Variants in GABRG3 observed in about 807,000 individuals in gnomAD.
GABRG3 encodes the protein gamma-aminobutyric acid type A receptor subunit gamma3, also known as gamma-aminobutyric acid receptor subunit gamma-3.
Under a neutral mutation model 48.8 loss-of-function variants are expected in GABRG3, and 25 were observed. The observed-to-expected ratio is 0.51, with a 90% CI of 0.37 to 0.72. The LOEUF is 0.72. Ranked by LOEUF, GABRG3 falls within the 30% of genes least tolerant of loss-of-function variation. The pLI, the probability that GABRG3 is intolerant of heterozygous loss-of-function variation, is 0.00. For missense variants in GABRG3, 394 were observed against 577.9 expected (o/e 0.68, Z 3.26); for synonymous variants, 227 against 217.6 (o/e 1.04, Z -0.38).
At chr15:27,532,170 A>C (rs1426126725) in intron 9 of GABRG3, among the ~76,000 whole-genome samples, 1 of 152,212 alleles carries the variant, frequency 6.6e-6, no homozygotes, top group Non-Finnish European at 1.5e-5. Context: ...TAGGCAGAAT[A>C]GGGACTTCAA....
intron 5 of GABRG3, among the ~76,000 whole-genome samples, chr15:27,329,538 T>C (rs1893735489): frequency 6.6e-6 from 1 of 152,212 alleles, no homozygotes; most frequent in African/African-American, 2.4e-5. Context: ...GTGCTGGGAT[T>C]ACAGATGTGA....
intron 4 of GABRG3, among the ~76,000 whole-genome samples, chr15:27,327,472 G>A (rs761327052): frequency 6.6e-5 from 10 of 152,138 alleles, no homozygotes; most frequent in African/African-American, 1.7e-4. Context: ...GGAAGTCTTC[G>A]AAGAAACCCA....
intron 3 of GABRG3, among the ~76,000 whole-genome samples, chr15:27,181,887 C>T (rs991284523): frequency 3.9e-5 from 6 of 151,910 alleles, no homozygotes; most frequent in African/African-American, 1.5e-4. Context: ...CAGTTCTGTA[C>T]ACGAGAAATC....
chr15:27,397,023 G>A (rs1471106647), intron 5 of GABRG3, among the ~76,000 whole-genome samples: 1 of 152,112 alleles, frequency 6.6e-6, no homozygotes, highest in African/African-American at 2.4e-5. Context: ...GTGAACACAA[G>A]ACTATGCATT....
intron 3 of GABRG3, among the ~76,000 whole-genome samples, chr15:27,167,820 G>A (rs1287147485): frequency 1.3e-5 from 2 of 152,196 alleles, no homozygotes; most frequent in Non-Finnish European, 1.5e-5. Context: ...GCCAGGGTCC[G>A]TAGGGAAGGA....
chr15:27,500,367 G>T (rs1024573997), intron 6 of GABRG3, among the ~76,000 whole-genome samples: 1 of 152,078 alleles, frequency 6.6e-6, no homozygotes, highest in Non-Finnish European at 1.5e-5. Flanking sequence ...GAGGAGAACC[G>T]CCCTGACTTC....
intron 3 of GABRG3, among the ~76,000 whole-genome samples, chr15:27,071,604 C>T (rs1216501993): frequency 1.3e-5 from 2 of 152,196 alleles, no homozygotes; most frequent in Non-Finnish European, 2.9e-5. Flanking sequence ...GGAAGGCCAG[C>T]GCAGGTGCAG....
intron 5 of GABRG3, among the ~76,000 whole-genome samples, chr15:27,396,771 T>C (rs1887311740): frequency 6.6e-6 from 1 of 152,194 alleles, no homozygotes; most frequent in African/African-American, 2.4e-5. Flanking sequence ...CAAACTGCTG[T>C]ACATCCACAT....
At chr15:27,113,250 A>G (rs4260024) in intron 3 of GABRG3, among the ~76,000 whole-genome samples, 46,727 of 151,792 alleles carry the variant, frequency 0.31, 7,937 homozygotes, top group Non-Finnish European at 0.38. Flanking sequence ...ATTGTGTATT[A>G]TTTCCCTGTA....
intron 3 of GABRG3, among the ~76,000 whole-genome samples, chr15:27,051,874 C>T (rs930513508): frequency 6.6e-6 from 1 of 152,152 alleles, no homozygotes; most frequent in African/African-American, 2.4e-5. Context: ...TGATGGGAGA[C>T]GTGACAGATC....
At chr15:27,328,681 T>G (rs886070196) in intron 4 of GABRG3, 125 bp from the exon 5 acceptor site, 28 of 689,418 alleles carry the variant, frequency 4.1e-5, no homozygotes, top group Non-Finnish European at 7.0e-5. Context: ...GGGCCAAGAG[T>G]GAGCCGCACA....
intron 5 of GABRG3, among the ~76,000 whole-genome samples, chr15:27,425,697 G>T (rs916796636): frequency 1.3e-5 from 2 of 152,126 alleles, no homozygotes; most frequent in East Asian, 3.9e-4. Context: ...CTACTTAAAA[G>T]TTGTTCCTAA....
chr15:27,236,298 A>G lies in GABRG3; in HGVS notation c.271-90511A>G, dbSNP rs377042964. 1.5e-4 allele frequency among the ~76,000 whole-genome samples: 23 copies of G among 152,272 alleles called. No homozygotes were observed. In the South Asian group the frequency reaches 4.6e-3, roughly 30 times the overall value. On this transcript the variant is annotated intron_variant, in intron 3 of 9. Coordinates refer to ENST00000615808, the MANE Select transcript of GABRG3 (RefSeq NM_033223.5). The surrounding 1 kb of genome is among the most constrained non-coding windows in gnomAD (Gnocchi z 4.4). The stretch of plus-strand genomic sequence containing the variant: ...GGTCTACTTGCACAGCACTGGAGGG[A>G]GACTGAAGAGCAGAGCTGAGCTTCT...
At chr15:27,026,625 G>A in intron 2 of GABRG3, 129 bp from the exon 3 acceptor site, 1 of 493,306 alleles carries the variant, frequency 2.0e-6, no homozygotes, top group South Asian at 5.1e-5. Flanking sequence ...AAGTCCCAAA[G>A]AAAGCCCTGC....
At position 27,152,830 on chromosome 15, in the gene GABRG3, TACA is replaced by T. The variant is rs1595554310; in HGVS notation, c.270+126010_270+126012del. Reference sequence around the variant, plus strand: ...CAATTCAATTTTTCTTGTATAGTTTTACATTTAAATCTATGATCCTTTTCGAGT... The same window carrying T: ...CAATTCAATTTTTCTTGTATAGTTTTTTTAAATCTATGATCCTTTTCGAGT... On this transcript the variant is annotated intron_variant, in intron 3 of 9. Transcript: ENST00000615808. Among the ~76,000 whole-genome samples, 21 of 152,264 alleles carry T rather than the reference TACA, an allele frequency of 1.4e-4. No individual in the cohort carries two copies. In the East Asian group the frequency reaches 2.7e-3, roughly 20 times the overall value.
At chr15:27,111,218 G>A (rs778951796) in intron 3 of GABRG3, among the ~76,000 whole-genome samples, 6 of 151,970 alleles carry the variant, frequency 3.9e-5, no homozygotes, top group Admixed American at 1.3e-4. Flanking sequence ...TTTCTTGTGC[G>A]TGTGTTTTTT....
intron 3 of GABRG3, among the ~76,000 whole-genome samples, chr15:27,090,530 C>T (rs1374011839): frequency 6.6e-6 from 1 of 152,130 alleles, no homozygotes; most frequent in African/African-American, 2.4e-5. Context: ...CCAATTCCTC[C>T]ACATCCTCTA....
In GABRG3 at chr15:27,193,446, A is replaced by G. The variant is rs376344141; in HGVS notation, c.271-133363A>G. Among the ~76,000 whole-genome samples, 36 of 150,992 alleles carry G rather than the reference A, an allele frequency of 2.4e-4. 1 individual carries two copies. The highest frequency in any genetic ancestry group is 3.1e-4 in the Non-Finnish European group (21 of 67,556). Reference sequence around the variant, plus strand: ...TGGCGGGCGCCCCTCCCCCAGCCTCACTGCCGCCTTGCAGTTTGATCTCAG... The same window carrying G: ...TGGCGGGCGCCCCTCCCCCAGCCTCGCTGCCGCCTTGCAGTTTGATCTCAG... On this transcript the variant is annotated intron_variant, in intron 3 of 9. Transcript: ENST00000615808.
At position 27,532,637 on chromosome 15, in the gene GABRG3, C is replaced by T. The variant is rs779223196; in HGVS notation, c.1160C>T (p.Ala387Val). 6.2e-7 allele frequency: 1 copy of T among 1,613,906 alleles called. No individual in the cohort carries two copies. The highest frequency in any genetic ancestry group is 8.5e-7 in the Non-Finnish European group (1 of 1,179,868). ...SLLDMRPPPTAMITLNNSVYW... is the reference protein window; with the variant it reads ...SLLDMRPPPTVMITLNNSVYW... ...CTGGACATGAGGCCACCACCAACTGCGATGATCACTTTAAACAATTCCGTT... is the reference window on the plus strand; with the variant it reads ...CTGGACATGAGGCCACCACCAACTGTGATGATCACTTTAAACAATTCCGTT... Residue 387 changes from alanine to valine, a missense_variant, in exon 10 of 10, where the codon GCG (alanine) becomes GTG (valine). Physicochemically the swap from Ala to Val is moderately conservative, Grantham distance 64 (BLOSUM62 0). Transcript: ENST00000615808.
Sources: allele counts gnomAD v4.1 joint callset (sites outside exome capture counted in the v4.1 genomes callset), GRCh38; gene constraint gnomAD v4.1.1; non-coding constraint Gnocchi (gnomAD v3.1); transcripts MANE v1.5; gene names NCBI Gene and HGNC (gene_info 2026-07-23, HGNC 2026-07-21).